The following IGSF22 variants were observed in gnomAD, a reference collection of about 807,000 sequenced individuals.
IGSF22 encodes the protein immunoglobulin superfamily member 22, also known as immunoglobulin superfamily, member 22.
In IGSF22, 119 loss-of-function variants were observed where a neutral mutation model predicts 127.0. The observed-to-expected ratio is 0.94, with a 90% confidence interval of 0.81 to 1.09. The LOEUF is 1.09. IGSF22 is among the 50% of genes least tolerant of loss of function. IGSF22 has a pLI of 0.00. For synonymous variants in IGSF22, 568 were observed against 664.7 expected, an observed-to-expected ratio of 0.85 and a Z score of 2.24; for missense variants, 1,518 against 1,716.6, an observed-to-expected ratio of 0.88 and a Z score of 2.04.
At position 18,715,732 on chromosome 11, in the gene IGSF22, C is replaced by T. The variant is rs1033737917; in HGVS notation, c.1247-16G>A. 1 of 1,596,198 alleles carries T rather than the reference C, an allele frequency of 6.3e-7. No individual in the cohort carries two copies. Among genetic ancestry groups the T allele is most frequent in the Non-Finnish European group, 8.5e-7 (1 of 1,170,034 alleles). ...ATGGGGATGCCTGTGGACAGACAGA[C>T]ACTTGGGCCTGCTCCCAAACCACGA... On this transcript the variant is annotated splice_polypyrimidine_tract_variant and intron_variant, in intron 10 of 22. Coordinates refer to ENST00000513874, the MANE Select transcript of IGSF22 (RefSeq NM_173588.4).
chr11:18,707,733 C>T (rs570848361), intron 20 of IGSF22, 71 bp downstream of exon 20: 309 of 1,314,970 alleles, frequency 2.3e-4, no homozygotes, highest in Middle Eastern at 1.3e-3. Flanking sequence ...GGAACTCAAG[C>T]GGCACTGGGG....
intron 1 of IGSF22, 83 bp from the exon 2 acceptor site, chr11:18,724,352 A>C (rs1848619357): frequency 2.8e-6 from 2 of 703,730 alleles, no homozygotes; most frequent in East Asian, 5.1e-5. Flanking sequence ...TTCAGACATA[A>C]GAGGAGATGG....
intron 10 of IGSF22, 76 bp from the exon 11 acceptor site, chr11:18,715,792 T>C: frequency 6.7e-7 from 1 of 1,483,732 alleles, no homozygotes. Context: ...CCAAAAGCCC[T>C]GTCCCTCTTT....
intron 21 of IGSF22, chr11:18,706,618 A>G: frequency 8.0e-6 from 3 of 373,876 alleles, no homozygotes; most frequent in Non-Finnish European, 1.4e-5. Flanking sequence ...CCCTGTTCTC[A>G]GCCCCGTTAG....
chr11:18,725,927 C>A (rs76560716), intron 1 of IGSF22, 147 bp downstream of exon 1: 8,163 of 152,512 alleles, frequency 0.054, 261 homozygotes, highest in East Asian at 0.11. Context: ...CTCTCCACCC[C>A]CTAATATATC....
At chr11:18,707,783 G>A (rs149100768) in intron 20 of IGSF22, 21 bp downstream of exon 20, 1 of 1,550,692 alleles carries the variant, frequency 6.4e-7, no homozygotes, top group Admixed American at 1.9e-5. Flanking sequence ...GGTCTTGGAG[G>A]CCTCTGCCTT....
rs1471377345 is a variant in IGSF22 at position 18,710,389 on chromosome 11, T to C, written c.2639A>G (p.Asn880Ser). Residue 880 changes from asparagine (N) to serine (S), a missense_variant, in exon 17 of 23, where the codon AAT becomes AGT. Transcript: ENST00000513874. ...ACTGGGCTGTCCAGGGCCTGCCTTA[T>C]TTACAGCTATAACTCGGAATTCATA... is the stretch of plus-strand genomic sequence containing the variant. Reference protein sequence around the residue: ...TEYEFRVIAVNKAGPGQPSVP... With the variant: ...TEYEFRVIAVSKAGPGQPSVP... The C allele has an allele frequency of 1.2e-6, 2 of 1,614,110 alleles. No individual in the cohort carries two copies. Among genetic ancestry groups the C allele is most frequent in the South Asian group, 1.1e-5 (1 of 91,086 alleles).
At chr11:18,706,741 G>A in intron 21 of IGSF22, 173 bp downstream of exon 21, 1 of 586,500 alleles carries the variant, frequency 1.7e-6, no homozygotes, top group Non-Finnish European at 2.9e-6. Flanking sequence ...TCACCCCTAA[G>A]TACCCCGAAG....
intron 1 of IGSF22, among the ~76,000 whole-genome samples, chr11:18,725,155 T>C (rs1170584213): frequency 6.6e-6 from 1 of 152,200 alleles, no homozygotes; most frequent in South Asian, 2.1e-4. Context: ...GTTTTCTCAA[T>C]GTTTTATTTA....
intron 4 of IGSF22, among the ~76,000 whole-genome samples, chr11:18,721,115 C>T (rs1056446323): frequency 6.6e-6 from 1 of 152,150 alleles, no homozygotes; most frequent in Admixed American, 6.5e-5. Flanking sequence ...CTGAAGAGCC[C>T]GGAGCCCCTG....
Position 18,709,391 on chromosome 11 carries a change from TG to T in IGSF22, c.2993del (p.Pro998HisfsTer13), listed in dbSNP as rs1310936846. The part of the protein sequence containing the change: ...ELDKGVRAMP[P>X]PAAPKFDLSA... ...CAGCCCTCTCTGTGTCCTCACCTGGTGGTGGCATGGCACGGACCCCCTTGTC... is the reference window on the plus strand; with the variant it reads ...CAGCCCTCTCTGTGTCCTCACCTGGTGTGGCATGGCACGGACCCCCTTGTC... On this transcript the variant is annotated frameshift_variant, in exon 18 of 23. Coordinates refer to ENST00000513874, the MANE Select transcript of IGSF22 (RefSeq NM_173588.4). LOFTEE classifies it high-confidence loss of function. This position sits in a 1 kb window ranked among gnomAD's most constrained non-coding sequence, Gnocchi z 4.8. The T allele has an allele frequency of 6.2e-7, 1 of 1,613,266 alleles. No homozygotes were observed. The highest frequency in any genetic ancestry group is 1.3e-5 in the African/African-American group (1 of 74,908).
intron 3 of IGSF22, 104 bp from the exon 4 acceptor site, chr11:18,721,775 C>T: frequency 6.3e-7 from 1 of 1,589,280 alleles, no homozygotes; most frequent in Non-Finnish European, 8.6e-7. Context: ...GGGCCTGGCC[C>T]CGGGCAGGGG....
At position 18,720,157 on chromosome 11, in the gene IGSF22, G is replaced by T. The variant is rs950404582; in HGVS notation, c.478+29C>A. The T allele has an allele frequency of 6.2e-6, 10 of 1,613,612 alleles. No individual in the cohort carries two copies. In the African/African-American group the frequency reaches 1.2e-4, roughly 19 times the overall value. ...ACAGGGGGAGTCTGGTCCCTAAGAA[G>T]AAAGGCCAAGAGGAAGGGGCCAACT... On this transcript the variant is annotated intron_variant, in intron 5 of 22. Transcript: ENST00000513874.
chr11:18,710,451 G>C lies in IGSF22; in HGVS notation c.2577C>G (p.Thr859=), dbSNP rs1330079258. The stretch of plus-strand genomic sequence containing the variant: ...CCAGGAGACCATCCACAGTGCACTT[G>C]GTGCCTGAAATGGGAAGATGAGGGG... The part of the protein sequence containing the change: ...VPVNKDPIQG[T]KCTVDGLLED... The change falls in exon 17 of 23, where the codon ACC becomes ACG. Residue 859 remains threonine, a synonymous_variant. Transcript: ENST00000513874. 1.9e-6 allele frequency: 3 copies of C among 1,614,084 alleles called. No homozygotes were observed. Among genetic ancestry groups the C allele is most frequent in the Non-Finnish European group, 2.5e-6 (3 of 1,180,040 alleles).
chr11:18,712,245 C>G lies in IGSF22; in HGVS notation c.2235G>C (p.Lys745Asn), dbSNP rs773516047. ...CCTCGCCTATCTTAATCCAGGACTTCTTGCCAACTGCCCTCCGTTCCACTA... is the reference window on the plus strand; with the variant it reads ...CCTCGCCTATCTTAATCCAGGACTTGTTGCCAACTGCCCTCCGTTCCACTA... ...QFIVERRAVG[K>N]KSWIKIGEVD... The change falls in exon 15 of 23, where the codon AAG becomes AAC. Residue 745 changes from lysine (K) to asparagine (N), a missense_variant. This residue lies in a region of IGSF22 where 1,456 missense variants were observed against 1,644.9 expected (regional missense o/e 0.89). Coordinates refer to ENST00000513874, the MANE Select transcript of IGSF22 (RefSeq NM_173588.4). 6.4e-7 allele frequency: 1 copy of G among 1,551,786 alleles called. No homozygotes were observed. Among genetic ancestry groups the G allele is most frequent in the South Asian group, 1.2e-5 (1 of 84,058 alleles).
intron 3 of IGSF22, 23 bp downstream of exon 3, chr11:18,721,887 G>A (rs1274669481): frequency 6.2e-7 from 1 of 1,611,122 alleles, no homozygotes. Context: ...CTGGAGCCCG[G>A]TGAGCCACAG....
In IGSF22 at chr11:18,717,925, TCATACCC is replaced by T; in HGVS notation, c.972_973+5del. ...TCCTTGTGCCCTTGCATGCCCCCAC[TCATACCC>T]AGCACTGTGAGCTCTGCACTCATCC... On this transcript the variant is annotated splice_donor_variant and splice_donor_5th_base_variant and coding_sequence_variant and intron_variant, in exon 9 of 23. Transcript: ENST00000513874. LOFTEE classifies it high-confidence loss of function. 1 of 1,612,674 alleles carries T rather than the reference TCATACCC, an allele frequency of 6.2e-7. No individual in the cohort carries two copies. Among genetic ancestry groups the T allele is most frequent in the Non-Finnish European group, 8.5e-7 (1 of 1,179,020 alleles).
At chr11:18,725,787 G>T (rs908418361) in intron 1 of IGSF22, among the ~76,000 whole-genome samples, 3 of 152,186 alleles carry the variant, frequency 2.0e-5, no homozygotes, top group African/African-American at 7.2e-5. Flanking sequence ...GGAAACTGAT[G>T]TCTGAAAGAA....
chr11:18,707,033 T>A lies in IGSF22; in HGVS notation c.3461A>T (p.Tyr1154Phe). The change falls in exon 21 of 23, where the codon TAC becomes TTC. Residue 1154 changes from tyrosine to phenylalanine, a missense_variant. By Grantham distance (22) the Tyr-to-Phe change is conservative (BLOSUM62 3). Around this residue, in one of 3 missense-constraint regions of IGSF22, gnomAD observed 1,456 missense variants for 1,644.9 expected, o/e 0.89. Coordinates refer to ENST00000513874, the MANE Select transcript of IGSF22 (RefSeq NM_173588.4). ...TAAERVFSNK[Y>F]TVTGLLPGRK... ...GCCTGGGAGCAGCCCCGTCACTGTG[T>A]ACTTGTTGCTGAAGACACGCTCGGC... 1.3e-6 allele frequency: 2 copies of A among 1,551,632 alleles called. No homozygotes were observed. Among genetic ancestry groups the A allele is most frequent in the Non-Finnish European group, 1.7e-6 (2 of 1,146,964 alleles).
Sources: gnomAD v4.1 joint callset for allele counts (sites outside exome capture counted in the v4.1 genomes callset) on GRCh38, gnomAD v4.1.1 for gene constraint, gnomAD v4.1.1 regional missense constraint, Gnocchi (gnomAD v3.1) non-coding constraint, MANE v1.5 for transcripts, NCBI Gene and HGNC (gene_info 2026-07-23, HGNC 2026-07-21) for gene names.